Variants in FN1 observed in about 807,000 individuals in gnomAD.
FN1 encodes fibronectin.
In FN1, 106 loss-of-function variants were observed where a neutral mutation model predicts 297.3. That is an observed-to-expected ratio of 0.36 (90% CI 0.30 to 0.42). The LOEUF (loss-of-function observed/expected upper bound fraction) is 0.42. FN1 is among the 10% of genes least tolerant of loss of function. FN1 has a pLI of 1.00. For synonymous variants in FN1, 1,149 were observed against 1,152.6 expected (o/e 1.00, Z 0.06); for missense variants, 2,690 against 3,124.9 (o/e 0.86, Z 3.32).
chr2:215,379,994 C>T (rs2057981561), intron 33 of FN1: 1 of 152,462 alleles, frequency 6.6e-6, no homozygotes, highest in African/African-American at 2.4e-5. Context: ...CTGCACCCGG[C>T]CTCCTTTTTC....
Position 215,364,911 on chromosome 2 carries a change from T to C in FN1, c.7219A>G (p.Ile2407Val), listed in dbSNP as rs1320481523. ...EQWQKEYLGA[I>V]CSCTCFGGQR... ...CCTCCAAAGCATGTGCAGGAGCAAA[T>C]GGCACCGAGATATTCCTTCTGCCAC... Residue 2407 changes from isoleucine to valine, a missense_variant, in exon 44 of 46, where the codon ATT (isoleucine) becomes GTT (valine). By Grantham distance (29) the Ile-to-Val change is conservative. Around this residue, in one of 3 missense-constraint regions of FN1, gnomAD observed 1,743 missense variants for 1,945.2 expected, o/e 0.90. Transcript: ENST00000354785. The C allele has an allele frequency of 1.0e-5, 16 of 1,569,804 alleles. No individual in the cohort carries two copies. Among genetic ancestry groups the C allele is most frequent in the Non-Finnish European group, 1.3e-5 (15 of 1,156,376 alleles).
intron 16 of FN1, 34 bp from the exon 17 acceptor site, chr2:215,408,231 GA>G: frequency 6.2e-7 from 1 of 1,613,218 alleles, no homozygotes; most frequent in Non-Finnish European, 8.5e-7. Flanking sequence ...AAACAGTCAG[GA>G]AGTGCTACTA....
At chr2:215,427,842 G>A (rs984142734) in intron 6 of FN1, among the ~76,000 whole-genome samples, 4 of 152,002 alleles carry the variant, frequency 2.6e-5, no homozygotes, top group African/African-American at 9.7e-5. Flanking sequence ...ATGAACTTTG[G>A]ATATTCAAAA....
intron 22 of FN1, 80 bp from the exon 23 acceptor site, chr2:215,397,303 C>G: frequency 1.0e-6 from 1 of 995,810 alleles, no homozygotes; most frequent in Admixed American, 1.7e-5. Context: ...TCCCTACCTC[C>G]CTCTCTTCCA....
chr2:215,429,293 C>A (rs7609476), intron 5 of FN1, among the ~76,000 whole-genome samples: 75,440 of 152,078 alleles, frequency 0.5, 19,870 homozygotes, highest in African/African-American at 0.61. Flanking sequence ...TAGCCCTCCA[C>A]TGGAAGAGTG....
chr2:215,365,647 A>C lies in FN1; in HGVS notation c.7019-17T>G, dbSNP rs2054384849. 4.3e-6 allele frequency: 7 copies of C among 1,613,772 alleles called. No homozygotes were observed. The highest frequency in any genetic ancestry group is 5.9e-6 in the Non-Finnish European group (7 of 1,179,802). Reference sequence around the variant, plus strand: ...GGCACCATCCTGTAGGGGTGGGGAAAGTCAGGACCAAAAAGTTATTTGTAT... The same window carrying C: ...GGCACCATCCTGTAGGGGTGGGGAACGTCAGGACCAAAAAGTTATTTGTAT... On this transcript the variant is annotated splice_polypyrimidine_tract_variant and intron_variant, in intron 42 of 45. Coordinates refer to ENST00000354785, the MANE Select transcript of FN1 (RefSeq NM_212482.4).
intron 3 of FN1, 86 bp from the exon 4 acceptor site, chr2:215,432,050 G>T (rs1337855912): frequency 3.2e-6 from 5 of 1,549,420 alleles, no homozygotes; most frequent in Non-Finnish European, 4.4e-6. Flanking sequence ...TAGGTACTTA[G>T]GTTGGCTAAA....
chr2:215,405,407 T>C (rs2061647972), intron 19 of FN1, among the ~76,000 whole-genome samples: 1 of 152,218 alleles, frequency 6.6e-6, no homozygotes, highest in African/African-American at 2.4e-5. Flanking sequence ...TTGCAGAACT[T>C]TTTTAAAGCC....
chr2:215,420,257 T>G (rs542556994), intron 11 of FN1, among the ~76,000 whole-genome samples: 307 of 152,072 alleles, frequency 2.0e-3, no homozygotes, highest in African/African-American at 5.8e-3. Context: ...CAGAATTGCT[T>G]GAACCCAGGA....
rs1466370212 is a variant in FN1 at position 215,379,149 on chromosome 2, A to G, written c.5603T>C (p.Val1868Ala). Residue 1868 changes from valine to alanine, a missense_variant, in exon 34 of 46, where the codon GTG becomes GCG. Coordinates refer to ENST00000354785, the MANE Select transcript of FN1 (RefSeq NM_212482.4). ...EINLAPDSSS[V>A]VVSGLMVATK... Reference sequence around the variant, plus strand: ...TCTTACCATAAGTCCTGATACAACCACGGATGAGCTGTCAGGAGCAAGGTT... The same window carrying G: ...TCTTACCATAAGTCCTGATACAACCGCGGATGAGCTGTCAGGAGCAAGGTT... 1 of 1,614,058 alleles carries G rather than the reference A, an allele frequency of 6.2e-7. No individual in the cohort carries two copies.
Position 215,406,321 on chromosome 2 carries a change from G to C in FN1, c.2903C>G (p.Ser968Cys). 6.2e-7 allele frequency: 1 copy of C among 1,614,190 alleles called. No individual in the cohort carries two copies. The highest frequency in any genetic ancestry group is 8.5e-7 in the Non-Finnish European group (1 of 1,180,020). The change falls in exon 19 of 46, where the codon TCC becomes TGC. Residue 968 changes from serine (S) to cysteine (C), a missense_variant. By Grantham distance (112) the Ser-to-Cys change is moderately radical (BLOSUM62 -1). Around this residue, in one of 3 missense-constraint regions of FN1, gnomAD observed 1,743 missense variants for 1,945.2 expected, o/e 0.90. Transcript: ENST00000354785. ...TTTGAAGTAATAGGTGACCCCAGGG[G>C]ACAGCCCGGTGACTTCTGCAAAGGT... is the stretch of plus-strand genomic sequence containing the variant. ...RNTFAEVTGLSPGVTYYFKVF... is the reference protein window; with the variant it reads ...RNTFAEVTGLCPGVTYYFKVF...
rs1211836567 is a variant in FN1 at position 215,376,613 on chromosome 2, G to A, written c.5772C>T (p.Ser1924=). Residue 1924 remains serine, a synonymous_variant, in exon 36 of 46, where the codon AGC becomes AGT. Coordinates refer to ENST00000354785, the MANE Select transcript of FN1 (RefSeq NM_212482.4). The part of the protein sequence containing the change: ...TDATETTITI[S]WRTKTETITG... The stretch of plus-strand genomic sequence containing the variant: ...TGATCGTCTCAGTCTTGGTTCTCCA[G>A]CTAATGGTGATGGTGGTCTCAGTAG... 1 of 1,613,880 alleles carries A rather than the reference G, an allele frequency of 6.2e-7. No individual in the cohort carries two copies. Among genetic ancestry groups the A allele is most frequent in the African/African-American group, 1.3e-5 (1 of 74,866 alleles).
chr2:215,382,366 C>T, intron 31 of FN1, 41 bp from the exon 32 acceptor site: 1 of 1,327,042 alleles, frequency 7.5e-7, no homozygotes, highest in Non-Finnish European at 1.1e-6. Context: ...TCCACGTCAT[C>T]CACTATAAAG....
intron 10 of FN1, among the ~76,000 whole-genome samples, 187 bp downstream of exon 10, chr2:215,421,904 C>T (rs984457261): frequency 1.3e-5 from 2 of 152,096 alleles, no homozygotes; most frequent in African/African-American, 2.4e-5. Context: ...ATTGCTATGC[C>T]GCTTGTCTTA....
chr2:215,375,056 G>A (rs1182639125), intron 38 of FN1, among the ~76,000 whole-genome samples, 158 bp downstream of exon 38: 1 of 152,154 alleles, frequency 6.6e-6, no homozygotes, highest in African/African-American at 2.4e-5. Context: ...GGATGTATTA[G>A]GCTCTACCAC....
At chr2:215,381,484 T>G in intron 32 of FN1, 1 of 309,852 alleles carries the variant, frequency 3.2e-6, no homozygotes, top group Non-Finnish European at 6.2e-6. Flanking sequence ...TTTGTTTTGT[T>G]TTTTTTTGAG....
rs1171586357 is a variant in FN1 at position 215,419,402 on chromosome 2, G to A, written c.1676-17C>T. Reference sequence around the variant, plus strand: ...GGCATTGGTCTAAAATACATGGAAGGAAAAGATAAACAGCCTTGAAGACTT... The same window carrying A: ...GGCATTGGTCTAAAATACATGGAAGAAAAAGATAAACAGCCTTGAAGACTT... On this transcript the variant is annotated splice_polypyrimidine_tract_variant and intron_variant, in intron 11 of 45. Transcript: ENST00000354785. 2 of 1,608,630 alleles carry A rather than the reference G, an allele frequency of 1.2e-6. No homozygotes were observed. The highest frequency in any genetic ancestry group is 3.3e-5 in the Admixed American group (2 of 59,986).
intron 21 of FN1, among the ~76,000 whole-genome samples, chr2:215,398,956 T>C (rs1430250949): frequency 1.3e-5 from 2 of 152,216 alleles, no homozygotes; most frequent in African/African-American, 4.8e-5. Flanking sequence ...CCCATGTTTT[T>C]TTGAAATGTA....
chr2:215,402,086 CAG>C (rs1229043338), intron 20 of FN1, among the ~76,000 whole-genome samples: 3 of 152,154 alleles, frequency 2.0e-5, no homozygotes, highest in Non-Finnish European at 4.4e-5. Flanking sequence ...AAAAACAATT[CAG>C]AGAACAGTCA....
Sources: allele counts gnomAD v4.1 joint callset (sites outside exome capture counted in the v4.1 genomes callset), GRCh38; gene constraint gnomAD v4.1.1; regional missense constraint gnomAD v4.1.1; transcripts MANE v1.5; gene names NCBI Gene and HGNC (gene_info 2026-07-23, HGNC 2026-07-21).